GALNT2: variants seen among roughly 807,000 people sequenced by gnomAD.
GALNT2 encodes UDP-GalNAc:polypeptide N-acetylgalactosaminyltransferase 2.
GALNT2 carries 31 observed loss-of-function variants against 81.4 expected under a neutral mutation model. The observed-to-expected ratio is 0.38, with a 90% CI of 0.29 to 0.51. The LOEUF (loss-of-function observed/expected upper bound fraction) is 0.51, where lower values mean the gene tolerates loss of function less well. Ranked by LOEUF, GALNT2 falls within the 20% of genes least tolerant of loss-of-function variation. GALNT2 has a pLI of 0.87. For missense variants in GALNT2, 629 were observed against 765.7 expected (o/e 0.82, Z 2.11); for synonymous variants, 303 against 287.4 (o/e 1.05, Z -0.55).
intron 1 of GALNT2, among the ~76,000 whole-genome samples, chr1:230,103,700 C>T (rs181430297): frequency 7.3e-5 from 11 of 151,136 alleles, no homozygotes; most frequent in Non-Finnish European, 1.2e-4. Context: ...GAACCCATCC[C>T]TCCAAAACCA....
At chr1:230,090,148 G>A (rs1239060626) in intron 1 of GALNT2, among the ~76,000 whole-genome samples, 1 of 152,160 alleles carries the variant, frequency 6.6e-6, no homozygotes, top group Non-Finnish European at 1.5e-5. Flanking sequence ...ATGAGGGAAA[G>A]TTTGACCCCA....
intron 1 of GALNT2, among the ~76,000 whole-genome samples, chr1:230,133,135 G>A (rs1426814308): frequency 1.3e-5 from 2 of 152,068 alleles, no homozygotes; most frequent in African/African-American, 2.4e-5. Context: ...TATTAACATT[G>A]TATGGATATG....
intron 1 of GALNT2, among the ~76,000 whole-genome samples, chr1:230,131,028 A>T (rs1661350516): frequency 6.6e-6 from 1 of 152,246 alleles, no homozygotes; most frequent in South Asian, 2.1e-4. Flanking sequence ...AAGTATTAAA[A>T]AAACTAGGCA....
intron 1 of GALNT2, among the ~76,000 whole-genome samples, chr1:230,128,579 A>G (rs1448166865): frequency 8.1e-6 from 1 of 123,998 alleles, no homozygotes; most frequent in Non-Finnish European, 1.6e-5. Flanking sequence ...TAAAACAGGA[A>G]TGATCTTAGA....
upstream of GALNT2, among the ~76,000 whole-genome samples, chr1:230,063,188 G>C (rs1360098684): frequency 6.6e-6 from 1 of 151,862 alleles, no homozygotes; most frequent in Non-Finnish European, 1.5e-5. Flanking sequence ...GTACATGCCT[G>C]TAGGCCCAGC....
Position 230,262,841 on chromosome 1 carries a change from C to T in GALNT2, c.1230-81C>T. On this transcript the variant is annotated intron_variant, in intron 12 of 15. Transcript: ENST00000366672. The stretch of plus-strand genomic sequence containing the variant: ...CACCACCTGCCCCAACCCTGTTCTC[C>T]TCAGCAGATTTTCAAGTTTGATGTA... The T allele has an allele frequency of 2.1e-6, 3 of 1,449,348 alleles. No individual in the cohort carries two copies. The East Asian group carries it at 6.8e-5, about 33-fold the overall frequency. The allele number at this position is 1,449,348 out of a possible 1,614,324, so 89.8% of individuals were successfully genotyped here. A position where few individuals can be genotyped will look rare whatever the true frequency, so the allele number is the denominator to read the frequency against.
intron 1 of GALNT2, among the ~76,000 whole-genome samples, chr1:230,137,143 C>CA (rs1289685023): frequency 6.6e-6 from 1 of 152,234 alleles, no homozygotes; most frequent in Admixed American, 6.5e-5. Context: ...CGCCTGCACC[C>CA]AATAAGCTTT....
intron 14 of GALNT2, among the ~76,000 whole-genome samples, chr1:230,266,947 C>A (rs1666051887): frequency 2.0e-5 from 3 of 152,038 alleles, no homozygotes; most frequent in Non-Finnish European, 2.9e-5. Context: ...GTCAGGTTTG[C>A]CGACAGATAT....
chr1:230,109,698 G>A (rs1300002203), intron 1 of GALNT2, among the ~76,000 whole-genome samples: 1 of 152,134 alleles, frequency 6.6e-6, no homozygotes, highest in East Asian at 1.9e-4. Context: ...CGTGGTGGCA[G>A]GTGCCTGTAA....
chr1:230,069,715 G>A (rs1659316403), intron 1 of GALNT2, among the ~76,000 whole-genome samples: 1 of 149,860 alleles, frequency 6.7e-6, no homozygotes, highest in Non-Finnish European at 1.5e-5. Context: ...AAAAAAAAAT[G>A]TGGTTTGTTT....
chr1:230,189,221 AC>A (rs1222845169), intron 2 of GALNT2, among the ~76,000 whole-genome samples: 3 of 152,116 alleles, frequency 2.0e-5, no homozygotes, highest in African/African-American at 7.2e-5. Flanking sequence ...CTTAGGAGAG[AC>A]GAGGGTAGGG....
intron 3 of GALNT2, among the ~76,000 whole-genome samples, chr1:230,226,676 C>T (rs1664723276): frequency 6.6e-6 from 1 of 152,214 alleles, no homozygotes; most frequent in Non-Finnish European, 1.5e-5. Flanking sequence ...GGGGCCTCGC[C>T]ACTCTCTCCC....
chr1:230,281,680 C>T lies in GALNT2; in HGVS notation c.*2222C>T, dbSNP rs1316472288. 1 of 152,858 alleles carries T rather than the reference C, an allele frequency of 6.5e-6. No individual in the cohort carries two copies. The allele number at this position is 152,858 out of a possible 1,614,324, so 9.5% of individuals were successfully genotyped here. ...CATGCCCTGGGGGCGGCGTCCTGTC[C>T]CTGAGCTGGGAGGCGGCTTTGGATG... On this transcript the variant is annotated 3_prime_UTR_variant, in exon 16 of 16. Transcript: ENST00000366672.
chr1:230,093,314 G>A (rs972077150), intron 1 of GALNT2, among the ~76,000 whole-genome samples: 4 of 152,168 alleles, frequency 2.6e-5, no homozygotes, highest in South Asian at 2.1e-4. Context: ...AATAGTGTCC[G>A]TCAGGGGGAG....
rs376103248 is a variant in GALNT2 at position 230,262,443 on chromosome 1, C to T, written c.1137-130C>T. On this transcript the variant is annotated intron_variant, in intron 11 of 15. Transcript: ENST00000366672. ...GGACAGCCCACCCTCTGCTGTGTGC[C>T]GTGATCCCAGCTGGAGCTGCTGCAC... 1.7e-3 allele frequency: 1,285 copies of T among 739,170 alleles called. 30 individuals are homozygous for T. In the South Asian group the frequency reaches 0.02, roughly 12 times the overall value. The allele number at this position is 739,170 out of a possible 1,614,324, so 45.8% of individuals were successfully genotyped here.
chr1:230,112,683 A>AG (rs921698686), intron 1 of GALNT2, among the ~76,000 whole-genome samples: 6 of 149,002 alleles, frequency 4.0e-5, no homozygotes, highest in African/African-American at 1.5e-4. Context: ...AGGGAGGAGG[A>AG]GGGAGAGGGT....
chr1:230,232,650 T>G (rs1196359362), intron 3 of GALNT2, among the ~76,000 whole-genome samples: 1 of 152,254 alleles, frequency 6.6e-6, no homozygotes, highest in African/African-American at 2.4e-5. Context: ...AGCTGCCTCC[T>G]AACGCGGAGT....
At chr1:230,236,520 C>T in intron 5 of GALNT2, 100 bp downstream of exon 5, 1 of 1,427,964 alleles carries the variant, frequency 7.0e-7, no homozygotes, top group Non-Finnish European at 9.8e-7. Context: ...AGCCAGAAAT[C>T]AGATCCACAG....
chr1:230,179,325 T>A (rs377608300), intron 2 of GALNT2, among the ~76,000 whole-genome samples: 1 of 152,190 alleles, frequency 6.6e-6, no homozygotes. Flanking sequence ...CCAAAGGGTA[T>A]GATTGCTGGA....
Sources: gnomAD v4.1 joint callset for allele counts (sites outside exome capture counted in the v4.1 genomes callset) on GRCh38, gnomAD v4.1.1 for gene constraint, MANE v1.5 for transcripts, NCBI Gene and HGNC (gene_info 2026-07-23, HGNC 2026-07-21) for gene names.